Variants in FMNL3 observed in about 807,000 individuals in gnomAD.
FMNL3 encodes the protein formin-like protein 3.
In FMNL3, 57 loss-of-function variants were observed where a neutral mutation model predicts 119.6. The observed-to-expected ratio is 0.48, with a 90% CI of 0.39 to 0.59. FMNL3 has a LOEUF of 0.59. FMNL3 is among the 20% of genes least tolerant of loss of function. The pLI, the probability that FMNL3 is intolerant of heterozygous loss-of-function variation, is 0.00. For missense variants in FMNL3, 1,053 were observed against 1,323.5 expected (o/e 0.80, Z 3.17); for synonymous variants, 491 against 507.3 (o/e 0.97, Z 0.43).
Position 49,642,720 on chromosome 12 carries a change from C to T in FMNL3, c.*3095G>A, listed in dbSNP as rs1383586008. 6.3e-6 allele frequency: 10 copies of T among 1,578,780 alleles called. No individual in the cohort carries two copies. The East Asian group carries it at 2.3e-4, about 36-fold the overall frequency. ...TGGATCTGCCTCAGGCCCTTGAACTCATTAGACCAGTTCAACAGAGACCTC... is the reference window on the plus strand; with the variant it reads ...TGGATCTGCCTCAGGCCCTTGAACTTATTAGACCAGTTCAACAGAGACCTC... On this transcript the variant is annotated 3_prime_UTR_variant, in exon 26 of 26. Transcript: ENST00000335154. The surrounding 1 kb of genome is among the most constrained non-coding windows in gnomAD (Gnocchi z 5.8).
Position 49,636,832 on chromosome 12 carries a change from A to G in FMNL3, c.*8983T>C. ...TCGGGAGCGACGCCAACAACGCAAG[A>G]ATCGGGAGGCCTTCCAGGTATCTTT... On this transcript the variant is annotated 3_prime_UTR_variant, in exon 26 of 26. Transcript: ENST00000335154. 1 of 1,614,042 alleles carries G rather than the reference A, an allele frequency of 6.2e-7. No homozygotes were observed. The highest frequency in any genetic ancestry group is 1.1e-5 in the South Asian group (1 of 91,074).
chr12:49,667,980 A>C (rs1165635505), intron 2 of FMNL3, among the ~76,000 whole-genome samples: 1 of 152,184 alleles, frequency 6.6e-6, no homozygotes, highest in Non-Finnish European at 1.5e-5. Flanking sequence ...AATGATTTCT[A>C]TTCTCTTCCA....
chr12:49,643,641 G>A lies in FMNL3; in HGVS notation c.*2174C>T, dbSNP rs1270756244. On this transcript the variant is annotated 3_prime_UTR_variant, in exon 26 of 26. Coordinates refer to ENST00000335154, the MANE Select transcript of FMNL3 (RefSeq NM_175736.5). Reference sequence around the variant, plus strand: ...ACAGAGGGGCTAGAACAAAGAAAAAGAGCCTGTCTTTCTCCTGTTGGGACT... The same window carrying A: ...ACAGAGGGGCTAGAACAAAGAAAAAAAGCCTGTCTTTCTCCTGTTGGGACT... The A allele has an allele frequency of 1.9e-6, 3 of 1,576,842 alleles. No homozygotes were observed. Among genetic ancestry groups the A allele is most frequent in the Non-Finnish European group, 2.6e-6 (3 of 1,157,190 alleles).
intron 1 of FMNL3, among the ~76,000 whole-genome samples, chr12:49,694,540 T>C (rs866194176): frequency 6.6e-6 from 1 of 152,214 alleles, no homozygotes; most frequent in East Asian, 1.9e-4. Flanking sequence ...CCAAAATGTC[T>C]GTACCGAATT....
intron 4 of FMNL3, among the ~76,000 whole-genome samples, chr12:49,663,934 T>C (rs1360667705): frequency 6.6e-6 from 1 of 151,886 alleles, no homozygotes; most frequent in Non-Finnish European, 1.5e-5. Context: ...GGCAACTATC[T>C]CTACTAAATT....
chr12:49,664,381 G>A (rs1458664051), intron 4 of FMNL3, among the ~76,000 whole-genome samples: 3 of 152,126 alleles, frequency 2.0e-5, no homozygotes, highest in Non-Finnish European at 4.4e-5. Flanking sequence ...CTTTATCCTG[G>A]GCAACAGAGC....
chr12:49,666,863 G>A (rs1943905926), intron 2 of FMNL3, among the ~76,000 whole-genome samples: 1 of 152,154 alleles, frequency 6.6e-6, no homozygotes, highest in Non-Finnish European at 1.5e-5. Context: ...TAATGGATAT[G>A]GGTTAGGAAG....
At chr12:49,699,649 AC>A (rs1250468470) in intron 1 of FMNL3, among the ~76,000 whole-genome samples, 1 of 152,238 alleles carries the variant, frequency 6.6e-6, no homozygotes, top group Non-Finnish European at 1.5e-5. Context: ...CATAACAGTT[AC>A]ATATGCTTTT....
rs3073937 is a variant in FMNL3 at position 49,645,104 on chromosome 12, CAAAAAAAAAAAAAA to C, written c.*697_*710del. 3.6e-5 allele frequency: 2 copies of C among 55,588 alleles called. No homozygotes were observed. The highest frequency in any genetic ancestry group is 7.5e-5 in the African/African-American group (1 of 13,260). 3.4% of individuals were successfully genotyped at this position (55,588 alleles called of 1,614,324 possible). On this transcript the variant is annotated 3_prime_UTR_variant, in exon 26 of 26. Coordinates refer to ENST00000335154, the MANE Select transcript of FMNL3 (RefSeq NM_175736.5). ...GACCACCATGCTCCTTGTCCCCTGCCAAAAAAAAAAAAAAAAAAAAAAAAACCGTAGCTGAGGAA... is the reference window on the plus strand; with the variant it reads ...GACCACCATGCTCCTTGTCCCCTGCCAAAAAAAAAAACCGTAGCTGAGGAA...
intron 1 of FMNL3, among the ~76,000 whole-genome samples, chr12:49,681,942 G>A (rs1325917455): frequency 6.6e-6 from 1 of 152,038 alleles, no homozygotes; most frequent in Non-Finnish European, 1.5e-5. Context: ...ATGAATAAAA[G>A]GGATTTTGCA....
chr12:49,649,066 G>A lies in FMNL3; in HGVS notation c.2478C>T (p.Phe826=). 1 of 1,611,928 alleles carries A rather than the reference G, an allele frequency of 6.2e-7. No individual in the cohort carries two copies. The highest frequency in any genetic ancestry group is 1.1e-5 in the South Asian group (1 of 90,662). The change falls in exon 21 of 26, where the codon TTC becomes TTT. Residue 826 remains phenylalanine, a synonymous_variant. Coordinates refer to ENST00000335154, the MANE Select transcript of FMNL3 (RefSeq NM_175736.5). The surrounding 1 kb of genome is among the most constrained non-coding windows in gnomAD (Gnocchi z 5.6). ...TCTCAACAAAGTGCAGCTCATGCCAGAAGTTAGCCAGGTCTGGGTATTTCT... is the reference window on the plus strand; with the variant it reads ...TCTCAACAAAGTGCAGCTCATGCCAAAAGTTAGCCAGGTCTGGGTATTTCT... ...VKEKYPDLAN[F]WHELHFVEKA... is the part of the protein sequence containing the mutation.
rs1942863006 is a variant in FMNL3 at position 49,642,899 on chromosome 12, G to A, written c.*2916C>T. ...CCTTCCTGGGGCTAAGTCTGGTGCTGTCCTCACCCTTCTTCCTCTGCCTCT... is the reference window on the plus strand; with the variant it reads ...CCTTCCTGGGGCTAAGTCTGGTGCTATCCTCACCCTTCTTCCTCTGCCTCT... On this transcript the variant is annotated 3_prime_UTR_variant, in exon 26 of 26. Coordinates refer to ENST00000335154, the MANE Select transcript of FMNL3 (RefSeq NM_175736.5). The surrounding 1 kb of genome is among the most constrained non-coding windows in gnomAD (Gnocchi z 5.8). 2 of 1,598,592 alleles carry A rather than the reference G, an allele frequency of 1.3e-6. No individual in the cohort carries two copies. Among genetic ancestry groups the A allele is most frequent in the East Asian group, 4.5e-5 (2 of 44,346 alleles).
rs1047813783 is a variant in FMNL3, at chr12:49,644,313, A to T, written c.*1502T>A. ...TGTCCACTTTTTCTAAAGTAACCCC[A>T]CCCCCAGCACACCATTGTTGGCACC... On this transcript the variant is annotated 3_prime_UTR_variant, in exon 26 of 26. Transcript: ENST00000335154. 4 of 1,087,330 alleles carry T rather than the reference A, an allele frequency of 3.7e-6. No homozygotes were observed. Among genetic ancestry groups the T allele is most frequent in the Non-Finnish European group, 4.1e-6 (3 of 736,858 alleles). The allele number at this position is 1,087,330 out of a possible 1,614,324, so 67.4% of individuals were successfully genotyped here.
chr12:49,672,856 A>G (rs1205170605), intron 1 of FMNL3, among the ~76,000 whole-genome samples: 1 of 152,194 alleles, frequency 6.6e-6, no homozygotes, highest in East Asian at 1.9e-4. Context: ...AAAAACAGAA[A>G]TAGGAACCAC....
In FMNL3 at chr12:49,640,634, G is replaced by A. The variant is rs1448923755; in HGVS notation, c.*5181C>T. 6.6e-6 allele frequency: 1 copy of A among 152,218 alleles called. No individual in the cohort carries two copies. The highest frequency in any genetic ancestry group is 1.5e-5 in the Non-Finnish European group (1 of 68,054). The allele number at this position is 152,218 out of a possible 1,614,324, so 9.4% of individuals were successfully genotyped here. ...GCTCTGAGACCTCCGTAAGTTCCGT[G>A]TCTCTGAGCCTGTTTGCTCACCTGT... On this transcript the variant is annotated 3_prime_UTR_variant, in exon 26 of 26. Coordinates refer to ENST00000335154, the MANE Select transcript of FMNL3 (RefSeq NM_175736.5).
At position 49,642,357 on chromosome 12, in the gene FMNL3, C is replaced by A. The variant is rs753332067; in HGVS notation, c.*3458G>T. On this transcript the variant is annotated 3_prime_UTR_variant, in exon 26 of 26. Transcript: ENST00000335154. This position sits in a 1 kb window ranked among gnomAD's most constrained non-coding sequence, Gnocchi z 5.8. ...AGGCTGTGCCTGCTCTGGAGCTAGG[C>A]ACTGCCTGGGAAGAGGTCAGGAGCG... The A allele has an allele frequency of 2.9e-5, 47 of 1,613,760 alleles. No individual in the cohort carries two copies. The highest frequency in any genetic ancestry group is 2.8e-5 in the Non-Finnish European group (33 of 1,180,034).
chr12:49,646,587 C>G, intron 25 of FMNL3: 1 of 1,379,872 alleles, frequency 7.2e-7, no homozygotes, highest in Non-Finnish European at 9.6e-7. Flanking sequence ...GGTCTCCCAG[C>G]AGGAATCCTG....
In FMNL3 at chr12:49,653,877, G is replaced by A. The variant is rs779142099; in HGVS notation, c.1072-3C>T. ...TCGCTCTCTGTGTGCCTTGACTTCTGGGGGAAGAGCAGAGAGTAGGAGTAG... is the reference window on the plus strand; with the variant it reads ...TCGCTCTCTGTGTGCCTTGACTTCTAGGGGAAGAGCAGAGAGTAGGAGTAG... On this transcript the variant is annotated splice_region_variant and splice_polypyrimidine_tract_variant and intron_variant, in intron 11 of 25. Coordinates refer to ENST00000335154, the MANE Select transcript of FMNL3 (RefSeq NM_175736.5). 3.1e-6 allele frequency: 5 copies of A among 1,613,878 alleles called. No homozygotes were observed. In the East Asian group the frequency reaches 8.9e-5, roughly 29 times the overall value.
chr12:49,644,582 G>GGCTCCACCACTTCTT lies in FMNL3; in HGVS notation c.*1218_*1232dup. ...CTGCTCCTGCCTGCCCTGGCCCTGA[G>GGCTCCACCACTTCTT]GCTCCACCACTTCTTCCTCCACCCA... On this transcript the variant is annotated 3_prime_UTR_variant, in exon 26 of 26. Coordinates refer to ENST00000335154, the MANE Select transcript of FMNL3 (RefSeq NM_175736.5). 4.2e-6 allele frequency: 1 copy of GGCTCCACCACTTCTT among 239,380 alleles called. No homozygotes were observed. Among genetic ancestry groups the GGCTCCACCACTTCTT allele is most frequent in the Admixed American group, 4.9e-5 (1 of 20,286 alleles). The allele number at this position is 239,380 out of a possible 1,614,324, so 14.8% of individuals were successfully genotyped here.
Sources: gnomAD v4.1 joint callset for allele counts (sites outside exome capture counted in the v4.1 genomes callset) on GRCh38, gnomAD v4.1.1 for gene constraint, Gnocchi (gnomAD v3.1) non-coding constraint, MANE v1.5 for transcripts, NCBI Gene and HGNC (gene_info 2026-07-23, HGNC 2026-07-21) for gene names.